Variants in GPRIN1 observed in about 807,000 individuals in gnomAD.
GPRIN1 encodes the protein G protein regulated inducer of neurite outgrowth 1.
GPRIN1 carries 4 observed loss-of-function variants against 2.8 expected under a neutral mutation model. The ratio of observed to expected loss-of-function variants is 1.45; its 90% CI spans 0.71 to 3.32. The LOEUF (loss-of-function observed/expected upper bound fraction) is 3.32, where lower values mean the gene tolerates loss of function less well. Among genes scored for constraint, GPRIN1 ranks in the 30% most tolerant of loss-of-function variants. The pLI is 0.01. For synonymous variants in GPRIN1, 589 were observed against 589.9 expected, an observed-to-expected ratio of 1.00 and a Z score of 0.02; for missense variants, 1,322 against 1,343.4, an observed-to-expected ratio of 0.98 and a Z score of 0.25.
intron 1 of GPRIN1, among the ~76,000 whole-genome samples, chr5:176,604,761 T>C (rs1759200298): frequency 6.6e-6 from 1 of 152,176 alleles, no homozygotes; most frequent in Non-Finnish European, 1.5e-5. Flanking sequence ...GAGACAGAGT[T>C]TTGCTCTTGT....
At position 176,597,987 on chromosome 5, in the gene GPRIN1, A is replaced by C. The variant is rs1243092570; in HGVS notation, c.1848T>G (p.Pro616=). The part of the protein sequence containing the change: ...VGSLPLEKGS[P]VTTTKADPRA... Reference sequence around the variant, plus strand: ...TGGGATCCGCCTTTGTGGTGGTAACAGGACTCCCCTTCTCTAGAGGCAGAG... The same window carrying C: ...TGGGATCCGCCTTTGTGGTGGTAACCGGACTCCCCTTCTCTAGAGGCAGAG... The change falls in exon 2 of 2, where the codon CCT becomes CCG. Residue 616 remains proline (P), a synonymous_variant. Transcript: ENST00000303991. The surrounding 1 kb of genome is among the most constrained non-coding windows in gnomAD (Gnocchi z 6.1). 3 of 1,613,854 alleles carry C rather than the reference A, an allele frequency of 1.9e-6. No individual in the cohort carries two copies. The highest frequency in any genetic ancestry group is 2.5e-6 in the Non-Finnish European group (3 of 1,180,006).
rs747171781 is a variant in GPRIN1, at chr5:176,598,357, C to T, written c.1478G>A (p.Gly493Asp). ...SSGKTNPVSS[G>D]PGDPRSLGTA... The stretch of plus-strand genomic sequence containing the variant: ...CCCCAAGGACCTGGGATCGCCTGGA[C>T]CTGAAGACACAGGGTTTGTCTTTCC... Residue 493 changes from glycine (G) to aspartate (D), a missense_variant, in exon 2 of 2, where the codon GGT becomes GAT. By Grantham distance (94) the Gly-to-Asp change is moderately conservative. This residue lies in a region of GPRIN1 where 1,117 missense variants were observed against 1,128.6 expected (regional missense o/e 0.99). Coordinates refer to ENST00000303991, the MANE Select transcript of GPRIN1 (RefSeq NM_052899.3). The T allele has an allele frequency of 1.2e-6, 2 of 1,613,846 alleles. No individual in the cohort carries two copies. Among genetic ancestry groups the T allele is most frequent in the Admixed American group, 1.7e-5 (1 of 60,000 alleles).
chr5:176,598,538 C>G lies in GPRIN1; in HGVS notation c.1297G>C (p.Glu433Gln). ...TCTGCCTGTCCAGGAGACAAGAGCT[C>G]TGGCTTTCCTGAGCACATGGGGTCC... ...KMDPMCSGKP[E>Q]LLSPGQAERV... Residue 433 changes from glutamate to glutamine, a missense_variant, in exon 2 of 2, where the codon GAG becomes CAG. Coordinates refer to ENST00000303991, the MANE Select transcript of GPRIN1 (RefSeq NM_052899.3). 1.2e-6 allele frequency: 2 copies of G among 1,614,170 alleles called. No individual in the cohort carries two copies. Among genetic ancestry groups the G allele is most frequent in the Non-Finnish European group, 1.7e-6 (2 of 1,180,046 alleles).
In GPRIN1 at chr5:176,599,008, G is replaced by T; in HGVS notation, c.827C>A (p.Thr276Lys). The T allele has an allele frequency of 1.2e-6, 2 of 1,614,180 alleles. No homozygotes were observed. Among genetic ancestry groups the T allele is most frequent in the Admixed American group, 3.3e-5 (2 of 60,032 alleles). ...HPVSSEKVAP[T>K]SAEKVDLVLS... is the part of the protein sequence containing the mutation. ...TACAAGATCTACCTTTTCTGCAGAT[G>T]TAGGAGCGACCTTTTCTGAGGACAC... The change falls in exon 2 of 2, where the codon ACA (threonine) becomes AAA (lysine). Residue 276 changes from threonine (T) to lysine (K), a missense_variant. Thr to Lys is a moderately conservative substitution (Grantham distance 78, BLOSUM62 -1). Around this residue, in one of 3 missense-constraint regions of GPRIN1, gnomAD observed 1,117 missense variants for 1,128.6 expected, o/e 0.99. Transcript: ENST00000303991.
chr5:176,605,094 C>CTTTT (rs33965999), intron 1 of GPRIN1, among the ~76,000 whole-genome samples: 1 of 132,930 alleles, frequency 7.5e-6, no homozygotes, highest in Non-Finnish European at 1.6e-5. Context: ...AAACAAAACA[C>CTTTT]TTTTTTTTTT....
rs765234000 is a variant in GPRIN1 at position 176,598,777 on chromosome 5, G to C, written c.1058C>G (p.Ala353Gly). The C allele has an allele frequency of 1.9e-6, 3 of 1,613,588 alleles. No individual in the cohort carries two copies. In the Admixed American group the frequency reaches 5.0e-5, roughly 27 times the overall value. Residue 353 changes from alanine to glycine, a missense_variant, in exon 2 of 2, where the codon GCA (alanine) becomes GGA (glycine). Around this residue, in one of 3 missense-constraint regions of GPRIN1, gnomAD observed 1,117 missense variants for 1,128.6 expected, o/e 0.99. Coordinates refer to ENST00000303991, the MANE Select transcript of GPRIN1 (RefSeq NM_052899.3). ...GRLDPTCLGM[A>G]DPASVGNVET... is the part of the protein sequence containing the mutation. Reference sequence around the variant, plus strand: ...TACATTTCCCACAGATGCGGGATCTGCCATCCCCAAGCATGTGGGATCCAG... The same window carrying C: ...TACATTTCCCACAGATGCGGGATCTCCCATCCCCAAGCATGTGGGATCCAG...
At chr5:176,604,261 T>A (rs1264927100) in intron 1 of GPRIN1, among the ~76,000 whole-genome samples, 4 of 152,046 alleles carry the variant, frequency 2.6e-5, no homozygotes, top group Non-Finnish European at 5.9e-5. Flanking sequence ...GCAGTTACCA[T>A]CTGAGCCAGC....
At position 176,599,240 on chromosome 5, in the gene GPRIN1, C is replaced by T. The variant is rs1353051687; in HGVS notation, c.595G>A (p.Gly199Arg). 7 of 1,613,898 alleles carry T rather than the reference C, an allele frequency of 4.3e-6. No individual in the cohort carries two copies. The highest frequency in any genetic ancestry group is 1.6e-4 in the Middle Eastern group (1 of 6,062). ...ILGKGDPVAP[G>R]RMDPMTVRKE... The stretch of plus-strand genomic sequence containing the variant: ...CTTACAGTCATGGGATCCATCCTTC[C>T]AGGAGCCACAGGATCCCCCTTTCCC... Residue 199 changes from glycine to arginine, a missense_variant, in exon 2 of 2, where the codon GGA becomes AGA. Gly to Arg is a moderately radical substitution (Grantham distance 125). This residue lies in a region of GPRIN1 where 1,117 missense variants were observed against 1,128.6 expected (regional missense o/e 0.99). Coordinates refer to ENST00000303991, the MANE Select transcript of GPRIN1 (RefSeq NM_052899.3).
At chr5:176,608,841 T>C (rs1267378993) in intron 1 of GPRIN1, among the ~76,000 whole-genome samples, 5 of 152,212 alleles carry the variant, frequency 3.3e-5, no homozygotes, top group Admixed American at 3.3e-4. Context: ...GCCAAGCACC[T>C]GCAAATACCT....
intron 1 of GPRIN1, among the ~76,000 whole-genome samples, chr5:176,604,623 A>G (rs2113352938): frequency 6.6e-6 from 1 of 152,272 alleles, no homozygotes; most frequent in Middle Eastern, 3.4e-3. Flanking sequence ...CTAGTGAGCC[A>G]CTGTATCCCG....
At chr5:176,600,108 A>G (rs1759124034) in intron 1 of GPRIN1, among the ~76,000 whole-genome samples, 1 of 152,198 alleles carries the variant, frequency 6.6e-6, no homozygotes, top group South Asian at 2.1e-4. Context: ...ACTTGGCCAC[A>G]GCCTAACTTT....
At chr5:176,605,807 C>T (rs984998741) in intron 1 of GPRIN1, among the ~76,000 whole-genome samples, 2 of 152,102 alleles carry the variant, frequency 1.3e-5, no homozygotes, top group Non-Finnish European at 2.9e-5. Flanking sequence ...AAGAAACTGT[C>T]TTTAAAACAG....
At position 176,598,479 on chromosome 5, in the gene GPRIN1, G is replaced by A. The variant is rs1458440871; in HGVS notation, c.1356C>T (p.Ser452=). 6.2e-7 allele frequency: 1 copy of A among 1,614,078 alleles called. No homozygotes were observed. The change falls in exon 2 of 2, where the codon TCC becomes TCT. Residue 452 remains serine, a synonymous_variant. Coordinates refer to ENST00000303991, the MANE Select transcript of GPRIN1 (RefSeq NM_052899.3). ...AGGACACCGGGTCCTCTTTTCCTGG[G>A]GATACAGTTCCTGCCTTTCCCACAG... ...RVSVGKAGTV[S]PGKEDPVSSR... is the part of the protein sequence containing the mutation.
At chr5:176,604,061 A>G (rs1476602809) in intron 1 of GPRIN1, among the ~76,000 whole-genome samples, 1 of 152,206 alleles carries the variant, frequency 6.6e-6, no homozygotes, top group African/African-American at 2.4e-5. Context: ...TGTTCTAGGC[A>G]TTATTCTTGG....
Position 176,597,700 on chromosome 5 carries a change from G to T in GPRIN1, c.2135C>A (p.Pro712His), listed in dbSNP as rs750336604. 5.6e-6 allele frequency: 9 copies of T among 1,595,028 alleles called. No individual in the cohort carries two copies. The highest frequency in any genetic ancestry group is 6.8e-6 in the Non-Finnish European group (8 of 1,170,796). Residue 712 changes from proline to histidine, a missense_variant, in exon 2 of 2, where the codon CCC becomes CAC. Pro to His is a moderately conservative substitution (Grantham distance 77). Transcript: ENST00000303991. The surrounding 1 kb of genome is among the most constrained non-coding windows in gnomAD (Gnocchi z 6.1). ...TESPSLGKVV[P>H]LSLEKTKPSS... ...CGGCTTGGTCTTCTCCAGACTCAGG[G>T]GGACCACCTTCCCCAAGGATGGGGA...
intron 1 of GPRIN1, among the ~76,000 whole-genome samples, chr5:176,601,168 T>C (rs1759144273): frequency 6.6e-6 from 1 of 152,068 alleles, no homozygotes; most frequent in Non-Finnish European, 1.5e-5. Flanking sequence ...CCTGGAGAGC[T>C]GTGAATGGTT....
intron 1 of GPRIN1, among the ~76,000 whole-genome samples, chr5:176,609,238 C>G (rs1358406039): frequency 6.6e-6 from 1 of 152,140 alleles, no homozygotes; most frequent in Non-Finnish European, 1.5e-5. Context: ...CAGGGGTGAG[C>G]AGGCCAGGGC....
intron 1 of GPRIN1, among the ~76,000 whole-genome samples, chr5:176,606,287 G>C (rs1759219229): frequency 1.3e-5 from 2 of 152,200 alleles, no homozygotes; most frequent in South Asian, 2.1e-4. Flanking sequence ...TGCTCAGCCT[G>C]TCAGAGCCCA....
rs780500678 is a variant in GPRIN1, at chr5:176,597,136, G to A, written c.2699C>T (p.Ala900Val). 1.4e-6 allele frequency: 2 copies of A among 1,456,906 alleles called. No homozygotes were observed. Among genetic ancestry groups the A allele is most frequent in the Non-Finnish European group, 9.1e-7 (1 of 1,101,846 alleles). The allele number at this position is 1,456,906 out of a possible 1,614,324, so 90.2% of individuals were successfully genotyped here. The change falls in exon 2 of 2, where the codon GCT (alanine) becomes GTT (valine). Residue 900 changes from alanine (A) to valine (V), a missense_variant. Coordinates refer to ENST00000303991, the MANE Select transcript of GPRIN1 (RefSeq NM_052899.3). This position sits in a 1 kb window ranked among gnomAD's most constrained non-coding sequence, Gnocchi z 6.1. ...RVRPGSALAAAVAPPEPAEPV... is the reference protein window; with the variant it reads ...RVRPGSALAAVVAPPEPAEPV... ...CTCAGCCGGCTCCGGGGGCGCTACA[G>A]CGGCCGCCAGCGCTGAGCCGGGCCG...
Sources: allele counts gnomAD v4.1 joint callset (sites outside exome capture counted in the v4.1 genomes callset), GRCh38; gene constraint gnomAD v4.1.1; regional missense constraint gnomAD v4.1.1; non-coding constraint Gnocchi (gnomAD v3.1); transcripts MANE v1.5; gene names NCBI Gene and HGNC (gene_info 2026-07-23, HGNC 2026-07-21).